ANXA10: variants seen among roughly 807,000 people sequenced by gnomAD.
ANXA10 encodes annexin A10.
In ANXA10, 49 loss-of-function variants were observed where a neutral mutation model predicts 53.5. The observed-to-expected ratio is 0.92, with a 90% CI of 0.73 to 1.16. The LOEUF is 1.16. Among genes scored for constraint, ANXA10 ranks in the 50% most tolerant of loss-of-function variants. The pLI, the probability that ANXA10 is intolerant of heterozygous loss-of-function variation, is 0.00. For synonymous variants in ANXA10, 131 were observed against 128.9 expected (o/e 1.02, Z -0.11); for missense variants, 393 against 394.4 (o/e 1.00, Z 0.03).
At chr4:168,095,200 G>A (rs191684148) in intron 1 of ANXA10, among the ~76,000 whole-genome samples, 158 of 151,856 alleles carry the variant, frequency 1.0e-3, no homozygotes, top group African/African-American at 3.5e-3. Context: ...TGCCTCTTTA[G>A]AATACAATTT....
intron 3 of ANXA10, among the ~76,000 whole-genome samples, chr4:168,155,617 A>ATT (rs1240880514): frequency 2.9e-5 from 2 of 67,988 alleles, no homozygotes; most frequent in Non-Finnish European, 5.1e-5. Flanking sequence ...ATAATTATAT[A>ATT]TTATAAATAT....
chr4:168,152,360 A>G (rs966169165), intron 3 of ANXA10, among the ~76,000 whole-genome samples: 1 of 152,200 alleles, frequency 6.6e-6, no homozygotes, highest in Non-Finnish European at 1.5e-5. Flanking sequence ...TTCAGAAAGA[A>G]GCCCGCTGTA....
intron 6 of ANXA10, among the ~76,000 whole-genome samples, chr4:168,174,592 G>A (rs574084386): frequency 6.6e-6 from 1 of 152,218 alleles, no homozygotes; most frequent in African/African-American, 2.4e-5. Context: ...GGCGAGCAAG[G>A]CCCAGGCAGG....
intron 2 of ANXA10, among the ~76,000 whole-genome samples, chr4:168,136,057 G>A (rs1478140345): frequency 1.3e-5 from 2 of 151,948 alleles, no homozygotes; most frequent in African/African-American, 2.4e-5. Flanking sequence ...AAGGAATTGC[G>A]ACACACTTTT....
At chr4:168,165,520 T>G (rs562842460) in intron 6 of ANXA10, among the ~76,000 whole-genome samples, 194 bp downstream of exon 6, 1 of 152,136 alleles carries the variant, frequency 6.6e-6, no homozygotes, top group Admixed American at 6.5e-5. Context: ...AAGACAAATA[T>G]GGATAATGCC....
chr4:168,155,912 ATAT>A, intron 3 of ANXA10, among the ~76,000 whole-genome samples: 1 of 78,258 alleles, frequency 1.3e-5, no homozygotes, highest in Non-Finnish European at 2.8e-5. Flanking sequence ...ATCATATATT[ATAT>A]TATATATCAT....
chr4:168,128,098 C>A lies in ANXA10; in HGVS notation c.33C>A (p.Ile11=). The A allele has an allele frequency of 1.2e-6, 2 of 1,613,242 alleles. No individual in the cohort carries two copies. Among genetic ancestry groups the A allele is most frequent in the Non-Finnish European group, 1.7e-6 (2 of 1,179,476 alleles). The change falls in exon 2 of 12, where the codon ATC becomes ATA. Residue 11 remains isoleucine, a synonymous_variant. Transcript: ENST00000359299. ...TTTCCCACCAGGTGCAAGGAACCATCTTCCCAGCTCCCAATTTCAATCCCA... is the reference window on the plus strand; with the variant it reads ...TTTCCCACCAGGTGCAAGGAACCATATTCCCAGCTCCCAATTTCAATCCCA... MFCGDYVQGT[I]FPAPNFNPIM...
At chr4:168,095,912 G>A (rs1326255346) in intron 1 of ANXA10, among the ~76,000 whole-genome samples, 1 of 152,082 alleles carries the variant, frequency 6.6e-6, no homozygotes. Flanking sequence ...TCTTTACAAA[G>A]ATGCTTTGAC....
intron 10 of ANXA10, among the ~76,000 whole-genome samples, chr4:168,183,024 A>AG (rs1732290555): frequency 6.7e-6 from 1 of 149,274 alleles, no homozygotes; most frequent in East Asian, 2.0e-4. Flanking sequence ...AAAAAAAAAA[A>AG]AAAAAGAAAA....
At chr4:168,112,353 A>T (rs995733154) in intron 1 of ANXA10, among the ~76,000 whole-genome samples, 17 of 152,174 alleles carry the variant, frequency 1.1e-4, no homozygotes, top group Admixed American at 3.9e-4. Context: ...TACAAAAAAA[A>T]ATATGTAAAT....
At chr4:168,177,236 GTC>G (rs2149480608) in intron 6 of ANXA10, among the ~76,000 whole-genome samples, 1 of 152,280 alleles carries the variant, frequency 6.6e-6, no homozygotes, top group East Asian at 1.9e-4. Flanking sequence ...ACTGGACCAT[GTC>G]TGTTCTCTAA....
At chr4:168,115,611 T>C (rs1408328639) in intron 1 of ANXA10, among the ~76,000 whole-genome samples, 1 of 151,876 alleles carries the variant, frequency 6.6e-6, no homozygotes, top group Non-Finnish European at 1.5e-5. Flanking sequence ...ACTTGTAGGG[T>C]CCTTTGAAAA....
chr4:168,140,680 G>A (rs970785594), intron 3 of ANXA10, among the ~76,000 whole-genome samples: 3 of 151,620 alleles, frequency 2.0e-5, no homozygotes, highest in East Asian at 1.9e-4. Context: ...GTGCAATGGC[G>A]TGATCTCATC....
chr4:168,154,482 G>A (rs57023606), intron 3 of ANXA10, among the ~76,000 whole-genome samples: 1 of 152,078 alleles, frequency 6.6e-6, no homozygotes, highest in Non-Finnish European at 1.5e-5. Flanking sequence ...TAAACGCAAA[G>A]ATAAAGCAGT....
chr4:168,127,307 T>C (rs1333382310), intron 1 of ANXA10, among the ~76,000 whole-genome samples: 1 of 152,170 alleles, frequency 6.6e-6, no homozygotes, highest in Admixed American at 6.5e-5. Context: ...TTTTTCTGTT[T>C]ACCTCTGCAG....
chr4:168,175,546 C>T (rs1467347253), intron 6 of ANXA10, among the ~76,000 whole-genome samples: 4 of 152,130 alleles, frequency 2.6e-5, no homozygotes, highest in Admixed American at 2.6e-4. Context: ...TTTTTATCTC[C>T]AAAATATGAG....
At chr4:168,118,362 C>G (rs529156395) in intron 1 of ANXA10, among the ~76,000 whole-genome samples, 1 of 152,274 alleles carries the variant, frequency 6.6e-6, no homozygotes, top group East Asian at 1.9e-4. Flanking sequence ...CCAGCCATGT[C>G]CCAACCATGT....
chr4:168,156,306 A>T (rs1463462358), intron 3 of ANXA10, among the ~76,000 whole-genome samples: 1 of 66,950 alleles, frequency 1.5e-5, no homozygotes, highest in African/African-American at 5.4e-5. Context: ...TATTATATAT[A>T]ATAGTATATA....
intron 1 of ANXA10, among the ~76,000 whole-genome samples, chr4:168,117,137 G>T (rs2149467532): frequency 6.6e-6 from 1 of 152,258 alleles, no homozygotes; most frequent in African/African-American, 2.4e-5. Context: ...CAGCTACTTA[G>T]GAGGCTGAGG....
Sources: allele counts gnomAD v4.1 joint callset (sites outside exome capture counted in the v4.1 genomes callset), GRCh38; gene constraint gnomAD v4.1.1; transcripts MANE v1.5; gene names NCBI Gene and HGNC (gene_info 2026-07-23, HGNC 2026-07-21).